The following PRRC2C variants were observed in gnomAD, a reference collection of about 807,000 sequenced individuals.
PRRC2C encodes protein PRRC2C.
In PRRC2C, 72 loss-of-function variants were observed where a neutral mutation model predicts 317.2. That is an observed-to-expected ratio of 0.23 (90% CI 0.19 to 0.28). The LOEUF (loss-of-function observed/expected upper bound fraction) is 0.28, where lower values mean the gene tolerates loss of function less well. PRRC2C is among the 10% of genes least tolerant of loss of function. PRRC2C has a pLI of 1.00. For synonymous variants in PRRC2C, 1,296 were observed against 1,205.9 expected (o/e 1.07, Z -1.55); for missense variants, 3,074 against 3,459.7 (o/e 0.89, Z 2.80).
intron 10 of PRRC2C, among the ~76,000 whole-genome samples, chr1:171,526,826 T>TTTTTTTTTTTTTTTTTG (rs1259116788): frequency 6.9e-6 from 1 of 145,426 alleles, no homozygotes; most frequent in African/African-American, 2.6e-5. Context: ...TTTTTTTTTT[T>TTTTTTTTTTTTTTTTTG]GAGATGGAGT....
At chr1:171,513,402 A>C (rs760250262) in intron 3 of PRRC2C, 3 of 620,754 alleles carry the variant, frequency 4.8e-6, no homozygotes, top group South Asian at 4.5e-5. Context: ...AACCTTGCTT[A>C]TGTCATAGCC....
At chr1:171,520,992 G>A (rs1673441777) in intron 6 of PRRC2C, among the ~76,000 whole-genome samples, 1 of 151,760 alleles carries the variant, frequency 6.6e-6, no homozygotes. Context: ...GTTTAGTAGA[G>A]ACAGGGTTTC....
intron 22 of PRRC2C, 39 bp downstream of exon 22, chr1:171,566,882 A>G: frequency 6.4e-7 from 1 of 1,562,844 alleles, no homozygotes; most frequent in Non-Finnish European, 8.6e-7. Flanking sequence ...AACAGATGCA[A>G]GCCATGTCTA....
chr1:171,581,361 C>T (rs575417184), intron 28 of PRRC2C, among the ~76,000 whole-genome samples: 18 of 152,240 alleles, frequency 1.2e-4, no homozygotes, highest in Middle Eastern at 6.8e-3. Context: ...AGTTTGCAAC[C>T]GCTTTTCAGT....
chr1:171,589,246 C>T (rs72717850), intron 33 of PRRC2C, 123 bp from the exon 34 acceptor site: 6,240 of 425,510 alleles, frequency 0.015, 79 homozygotes, highest in Non-Finnish European at 0.019. Context: ...CTGTACACTT[C>T]CTTTCACTGG....
chr1:171,549,884 A>G lies in PRRC2C; in HGVS notation c.4973-202A>G, dbSNP rs75437185. ...GCCAGTTTTAGGATTTTTATTTTCA[A>G]CTTTAAGAGTATGAAATCTTTTCAG... On this transcript the variant is annotated intron_variant, in intron 17 of 34. Coordinates refer to ENST00000647382, the MANE Select transcript of PRRC2C (RefSeq NM_001387844.1). Among the ~76,000 whole-genome samples, 5,861 of 152,144 alleles carry G rather than the reference A, an allele frequency of 0.039. 147 individuals carry two copies. Among genetic ancestry groups the G allele is most frequent in the Middle Eastern group, 0.068 (20 of 294 alleles).
Position 171,591,999 on chromosome 1 carries a change from C to G in PRRC2C, c.*152C>G. On this transcript the variant is annotated 3_prime_UTR_variant, in exon 35 of 35. Transcript: ENST00000647382. ...ACAAGGGACATAGGAGCAATTTACA[C>G]TGACACACAGCTGCTGTACCAGTGA... 1.0e-6 allele frequency: 1 copy of G among 970,880 alleles called. No individual in the cohort carries two copies. Among genetic ancestry groups the G allele is most frequent in the South Asian group, 1.8e-5 (1 of 56,090 alleles). The allele number at this position is 970,880 out of a possible 1,614,324, so 60.1% of individuals were successfully genotyped here. A position where few individuals can be genotyped will look rare whatever the true frequency, so the allele number is the denominator to read the frequency against.
chr1:171,538,090 C>T (rs966255814), intron 15 of PRRC2C, among the ~76,000 whole-genome samples: 20 of 152,032 alleles, frequency 1.3e-4, no homozygotes, highest in African/African-American at 4.6e-4. Context: ...TTAGTAGAGA[C>T]GGGGTTTCAC....
At chr1:171,584,657 T>C (rs1649440533) in intron 30 of PRRC2C, 131 bp downstream of exon 30, 2 of 1,073,662 alleles carry the variant, frequency 1.9e-6, no homozygotes, top group Non-Finnish European at 1.3e-6. Context: ...CACTGAGATG[T>C]CCTGAAGAAT....
Position 171,570,947 on chromosome 1 carries a change from C to T in PRRC2C, c.6652-373C>T, listed in dbSNP as rs559575104. Reference sequence around the variant, plus strand: ...ATCACCTGGCAACTTGTTTGAAACCCAGCATTTCAGGCCTTAACATAGACC... The same window carrying T: ...ATCACCTGGCAACTTGTTTGAAACCTAGCATTTCAGGCCTTAACATAGACC... On this transcript the variant is annotated intron_variant, in intron 23 of 34. Coordinates refer to ENST00000647382, the MANE Select transcript of PRRC2C (RefSeq NM_001387844.1). Among the ~76,000 whole-genome samples the T allele has an allele frequency of 9.8e-4, 149 of 152,274 alleles. 1 individual carries two copies. Among genetic ancestry groups the T allele is most frequent in the Admixed American group, 3.1e-3 (48 of 15,292 alleles).
intron 18 of PRRC2C, among the ~76,000 whole-genome samples, chr1:171,553,866 G>A (rs929790600): frequency 2.6e-5 from 4 of 152,082 alleles, no homozygotes; most frequent in African/African-American, 9.7e-5. Context: ...TTTACATTTG[G>A]TGAGGAGTGC....
intron 23 of PRRC2C, among the ~76,000 whole-genome samples, chr1:171,568,577 T>C (rs1015561632): frequency 2.6e-5 from 4 of 152,222 alleles, no homozygotes; most frequent in Non-Finnish European, 5.9e-5. Flanking sequence ...TTGTGGTGCG[T>C]AGGCTTGGTT....
At chr1:171,514,685 A>G (rs1397753762) in intron 4 of PRRC2C, 40 bp downstream of exon 4, 1 of 1,499,594 alleles carries the variant, frequency 6.7e-7, no homozygotes, top group South Asian at 1.2e-5. Flanking sequence ...TAGGCTTGAT[A>G]GTTACTGAAC....
In PRRC2C at chr1:171,537,442, C is replaced by G. The variant is rs1677037824; in HGVS notation, c.2473C>G (p.Pro825Ala). Residue 825 changes from proline to alanine, a missense_variant, in exon 15 of 35, where the codon CCC (proline) becomes GCC (alanine). Physicochemically the swap from Pro to Ala is conservative, Grantham distance 27 (BLOSUM62 -1). Transcript: ENST00000647382. ...PHAEPQQATT[P>A]KATEEPEDVR... is the part of the protein sequence containing the mutation. ...TGCTGAGCCTCAACAAGCAACTACT[C>G]CCAAAGCAACAGAAGAGCCTGAGGA... The G allele has an allele frequency of 3.2e-6, 5 of 1,580,638 alleles. No homozygotes were observed. The East Asian group carries it at 9.2e-5, about 29-fold the overall frequency.
In PRRC2C at chr1:171,578,215, TA is replaced by T. The variant is rs1326416058; in HGVS notation, c.7159+580del. Among the ~76,000 whole-genome samples the T allele has an allele frequency of 3.3e-5, 5 of 152,244 alleles. No individual in the cohort carries two copies. In the East Asian group the frequency reaches 9.7e-4, roughly 29 times the overall value. Reference sequence around the variant, plus strand: ...TACATTTAAGCTATTAGAGATTAAGTAAGGGTATTCATTGCAGTATTATTTC... The same window carrying T: ...TACATTTAAGCTATTAGAGATTAAGTAGGGTATTCATTGCAGTATTATTTC... On this transcript the variant is annotated intron_variant, in intron 26 of 34. Coordinates refer to ENST00000647382, the MANE Select transcript of PRRC2C (RefSeq NM_001387844.1).
chr1:171,517,044 A>G (rs905618749), intron 5 of PRRC2C, among the ~76,000 whole-genome samples: 2 of 152,266 alleles, frequency 1.3e-5, no homozygotes, highest in African/African-American at 2.4e-5. Context: ...CATTTGGGCT[A>G]TCCAGGAGAC....
At chr1:171,493,501 A>G (rs1020065501) in intron 1 of PRRC2C, among the ~76,000 whole-genome samples, 1 of 152,168 alleles carries the variant, frequency 6.6e-6, no homozygotes. Context: ...AAAGGAAAAT[A>G]ATAAATAAAG....
intron 1 of PRRC2C, among the ~76,000 whole-genome samples, chr1:171,501,019 C>G (rs529516185): frequency 6.6e-6 from 1 of 152,222 alleles, no homozygotes; most frequent in Non-Finnish European, 1.5e-5. Flanking sequence ...CCACCTCAGC[C>G]TCCTGAGTAG....
chr1:171,589,933 G>T (rs1572178782), intron 34 of PRRC2C, among the ~76,000 whole-genome samples: 2 of 145,622 alleles, frequency 1.4e-5, no homozygotes, highest in Non-Finnish European at 1.5e-5. Flanking sequence ...ACTTTTTTTT[G>T]GAATAGCAAA....
Sources: allele counts gnomAD v4.1 joint callset (sites outside exome capture counted in the v4.1 genomes callset), GRCh38; gene constraint gnomAD v4.1.1; transcripts MANE v1.5; gene names NCBI Gene and HGNC (gene_info 2026-07-23, HGNC 2026-07-21).